RGS6: variants seen among roughly 807,000 people sequenced by gnomAD.
The protein encoded by RGS6 is regulator of G protein signaling 6.
In RGS6, 30 loss-of-function variants were observed where a neutral mutation model predicts 78.5. That is an observed-to-expected ratio of 0.38 (90% CI 0.29 to 0.52). RGS6 has a LOEUF of 0.52. RGS6 is among the 20% of genes least tolerant of loss of function. The pLI is 0.85. For synonymous variants in RGS6, 206 were observed against 206.0 expected (o/e 1.00, Z 0.00); for missense variants, 495 against 609.7 (o/e 0.81, Z 1.98).
chr14:71,974,728 T>C (rs1049349447), intron 2 of RGS6, among the ~76,000 whole-genome samples: 4 of 151,900 alleles, frequency 2.6e-5, no homozygotes, highest in African/African-American at 7.3e-5. Context: ...TACTCAAAAG[T>C]GATTTTTTCC....
At chr14:72,540,186 T>C (rs1567085514) in intron 17 of RGS6, 92 bp downstream of exon 17, 1 of 1,526,236 alleles carries the variant, frequency 6.6e-7, no homozygotes, top group South Asian at 1.2e-5. Context: ...TTGGTTGTTG[T>C]TTCCTTTGGG....
chr14:72,215,761 A>G (rs1186551280), intron 2 of RGS6, among the ~76,000 whole-genome samples: 2 of 152,262 alleles, frequency 1.3e-5, no homozygotes, highest in East Asian at 1.9e-4. Flanking sequence ...TGCTTGGACC[A>G]GTGTAAGCAT....
chr14:71,986,655 G>A (rs917428138), intron 2 of RGS6, among the ~76,000 whole-genome samples: 2 of 152,158 alleles, frequency 1.3e-5, no homozygotes, highest in Non-Finnish European at 2.9e-5. Context: ...AGGCTGCAGT[G>A]AGCCATGATC....
At chr14:72,356,058 A>G (rs781056643) in intron 3 of RGS6, among the ~76,000 whole-genome samples, 5 of 152,170 alleles carry the variant, frequency 3.3e-5, no homozygotes, top group Middle Eastern at 3.2e-3. Flanking sequence ...ACTCTATTAT[A>G]TTCAGAATTC....
intron 17 of RGS6, chr14:72,540,453 T>A: frequency 1.3e-6 from 2 of 1,496,772 alleles, no homozygotes; most frequent in South Asian, 2.5e-5. Context: ...CATCGAACTA[T>A]ACCGTGAAAT....
chr14:72,529,964 T>C (rs2283375), intron 15 of RGS6, among the ~76,000 whole-genome samples: 21,990 of 152,300 alleles, frequency 0.14, 2,022 homozygotes, highest in Middle Eastern at 0.26. Context: ...TGGCACCTAG[T>C]AAATGCTCAA....
chr14:71,900,943 C>T, the RGS6 span, among the ~76,000 whole-genome samples: 1 of 152,062 alleles, frequency 6.6e-6, no homozygotes, highest in Non-Finnish European at 1.5e-5. Flanking sequence ...AGATCCTAGA[C>T]TCTTAACAAC....
intron 14 of RGS6, among the ~76,000 whole-genome samples, chr14:72,517,764 G>GAC (rs2153460171): frequency 6.6e-6 from 1 of 152,290 alleles, no homozygotes; most frequent in East Asian, 1.9e-4. Context: ...ATGATTCCAG[G>GAC]ACACTGCCTG....
At position 72,000,381 on chromosome 14, in the gene RGS6, T is replaced by C. The variant is rs557635583; in HGVS notation, c.84+35506T>C. Among the ~76,000 whole-genome samples, 106 of 152,204 alleles carry C rather than the reference T, an allele frequency of 7.0e-4. 1 individual carries two copies. The highest frequency in any genetic ancestry group is 2.3e-3 in the African/African-American group (94 of 41,526). On this transcript the variant is annotated intron_variant, in intron 2 of 17. Transcript: ENST00000553525. ...CTTGGGAAATTTGAGGAATGGGAGC[T>C]TGTTTTGTGGGTAAAGTAATGGGCC...
chr14:72,623,238 G>A, the RGS6 span, among the ~76,000 whole-genome samples: 1 of 152,048 alleles, frequency 6.6e-6, no homozygotes, highest in East Asian at 1.9e-4. Context: ...TGAATATAAT[G>A]TTTCTTTATA....
chr14:72,396,767 A>G (rs1385676714), intron 3 of RGS6, among the ~76,000 whole-genome samples: 2 of 152,178 alleles, frequency 1.3e-5, no homozygotes, highest in Non-Finnish European at 2.9e-5. Context: ...ACATATGTCT[A>G]GCCAGTTTTC....
intron 2 of RGS6, among the ~76,000 whole-genome samples, chr14:72,262,361 T>C (rs1330360455): frequency 6.6e-6 from 1 of 152,232 alleles, no homozygotes; most frequent in Admixed American, 6.5e-5. Flanking sequence ...TCTTCCTGGT[T>C]TGCAGAATCC....
At chr14:72,465,854 A>T in intron 7 of RGS6, 32 bp downstream of exon 7, 4 of 1,555,458 alleles carry the variant, frequency 2.6e-6, no homozygotes, top group Non-Finnish European at 3.5e-6. Flanking sequence ...GATACATATA[A>T]GAAGAGAGTA....
In RGS6 at chr14:72,067,256, A is replaced by G. The variant is rs1366903043; in HGVS notation, c.84+102381A>G. Reference sequence around the variant, plus strand: ...TGTTCTCATTCATAAGTGGGAGTCGAACAATGAGAACACGTGGATGCAGGG... The same window carrying G: ...TGTTCTCATTCATAAGTGGGAGTCGGACAATGAGAACACGTGGATGCAGGG... On this transcript the variant is annotated intron_variant, in intron 2 of 17. Coordinates refer to ENST00000553525, the MANE Select transcript of RGS6 (RefSeq NM_001204424.2). Among the ~76,000 whole-genome samples, 132 of 152,314 alleles carry G rather than the reference A, an allele frequency of 8.7e-4. 2 individuals carry two copies. Among genetic ancestry groups the G allele is most frequent in the Non-Finnish European group, 2.9e-5 (2 of 68,036 alleles).
chr14:72,296,188 C>T (rs2064785926), intron 2 of RGS6, among the ~76,000 whole-genome samples: 1 of 152,152 alleles, frequency 6.6e-6, no homozygotes, highest in South Asian at 2.1e-4. Context: ...AGCATATGGC[C>T]ATACCTTTTT....
the RGS6 span, among the ~76,000 whole-genome samples, chr14:72,601,114 C>T: frequency 1.3e-5 from 2 of 151,892 alleles, no homozygotes; most frequent in African/African-American, 4.8e-5. Flanking sequence ...CCTCAGTAGA[C>T]GAGGTACAGA....
intron 2 of RGS6, among the ~76,000 whole-genome samples, chr14:72,208,047 G>A (rs60179178): frequency 0.055 from 8,376 of 152,212 alleles, 536 homozygotes; most frequent in African/African-American, 0.16. Context: ...TTTGGTTGAA[G>A]TTGGTTCTAC....
At chr14:72,604,035 G>A in the RGS6 span, among the ~76,000 whole-genome samples, 55 of 152,228 alleles carry the variant, frequency 3.6e-4, no homozygotes, top group South Asian at 0.01. Flanking sequence ...ATAGTTTAAC[G>A]GGATCCAAGC....
chr14:71,978,813 G>C (rs1169583406), intron 2 of RGS6, among the ~76,000 whole-genome samples: 7 of 152,096 alleles, frequency 4.6e-5, no homozygotes, highest in Admixed American at 3.9e-4. Context: ...TTTTCCTATT[G>C]ATTGGAATAG....
Sources: allele counts gnomAD v4.1 joint callset (sites outside exome capture counted in the v4.1 genomes callset), GRCh38; gene constraint gnomAD v4.1.1; transcripts MANE v1.5; gene names NCBI Gene and HGNC (gene_info 2026-07-23, HGNC 2026-07-21).